The following SPECC1L variants were observed in gnomAD, a reference collection of about 807,000 sequenced individuals.
SPECC1L encodes cytospin-A.
Under a neutral mutation model 116.8 loss-of-function variants are expected in SPECC1L, and 40 were observed. The observed-to-expected ratio is 0.34, with a 90% confidence interval of 0.27 to 0.45. The LOEUF (loss-of-function observed/expected upper bound fraction) is 0.45. Ranked by LOEUF, SPECC1L falls within the 20% of genes least tolerant of loss-of-function variation. The pLI, the probability that SPECC1L is intolerant of heterozygous loss-of-function variation, is 1.00. For missense variants in SPECC1L, 1,110 were observed against 1,373.6 expected, an observed-to-expected ratio of 0.81 and a Z score of 3.03; for synonymous variants, 504 against 500.6, an observed-to-expected ratio of 1.01 and a Z score of -0.09.
At chr22:24,383,634 TATTTTATTTTTTG>T (rs969816496) in intron 14 of SPECC1L, among the ~76,000 whole-genome samples, 4 of 151,938 alleles carry the variant, frequency 2.6e-5, no homozygotes, top group Non-Finnish European at 4.4e-5. Context: ...ATCAAAATTT[TATTTTATTTTTTG>T]ATTTTATTTT....
chr22:24,354,062 A>G (rs2041478288), intron 11 of SPECC1L, among the ~76,000 whole-genome samples: 1 of 152,234 alleles, frequency 6.6e-6, no homozygotes, highest in South Asian at 2.1e-4. Context: ...GGAATGTCAC[A>G]TGAAGAAAGG....
At chr22:24,389,328 G>A (rs927892295) in intron 14 of SPECC1L, among the ~76,000 whole-genome samples, 7 of 151,896 alleles carry the variant, frequency 4.6e-5, no homozygotes, top group Non-Finnish European at 1.0e-4. Flanking sequence ...TGTTGGCCAG[G>A]CTGGTCTCAA....
intron 2 of SPECC1L, among the ~76,000 whole-genome samples, chr22:24,285,774 T>A (rs2049033502): frequency 6.6e-6 from 1 of 152,162 alleles, no homozygotes; most frequent in African/African-American, 2.4e-5. Flanking sequence ...CTTGAGTAGC[T>A]GGGATTACAG....
intron 2 of SPECC1L, among the ~76,000 whole-genome samples, chr22:24,282,261 A>C (rs1313304043): frequency 6.6e-6 from 1 of 152,208 alleles, no homozygotes; most frequent in Non-Finnish European, 1.5e-5. Context: ...GTGACTCCTA[A>C]ACCATAATTT....
At chr22:24,301,496 C>T (rs997773086) in intron 2 of SPECC1L, among the ~76,000 whole-genome samples, 3 of 152,078 alleles carry the variant, frequency 2.0e-5, no homozygotes, top group Non-Finnish European at 2.9e-5. Context: ...TAAACATGGT[C>T]GGAACACTTA....
intron 2 of SPECC1L, among the ~76,000 whole-genome samples, chr22:24,295,556 A>G (rs1272899273): frequency 1.1e-4 from 17 of 152,092 alleles, no homozygotes. Context: ...CTAATTTAAT[A>G]CATATTGATC....
chr22:24,375,545 G>A (rs572560781), intron 14 of SPECC1L, among the ~76,000 whole-genome samples: 22 of 152,272 alleles, frequency 1.4e-4, no homozygotes, highest in African/African-American at 3.6e-4. Flanking sequence ...GGAAAAAACC[G>A]CATGATCATC....
At chr22:24,400,884 C>T (rs2042460531) in intron 14 of SPECC1L, among the ~76,000 whole-genome samples, 1 of 152,138 alleles carries the variant, frequency 6.6e-6, no homozygotes, top group Admixed American at 6.5e-5. Context: ...ACGTCCTTTG[C>T]TCATTTTTAT....
At position 24,389,109 on chromosome 22, in the gene SPECC1L, ATTTTTTT is replaced by A. The variant is rs763818960; in HGVS notation, c.3087+19805_3087+19811del. On this transcript the variant is annotated intron_variant, in intron 14 of 16. Coordinates refer to ENST00000314328, the MANE Select transcript of SPECC1L (RefSeq NM_015330.6). ...AGTACTTCACTCCTTTCTATAACTG[ATTTTTTT>A]TTTTTTTTTTTTTTTGGAGACAGAG... 8.0e-5 allele frequency among the ~76,000 whole-genome samples: 8 copies of A among 99,942 alleles called. 1 individual carries two copies. The South Asian group carries it at 9.4e-4, about 12-fold the overall frequency. 65.6% of individuals were successfully genotyped at this position (99,942 alleles called of 152,430 possible).
chr22:24,295,342 G>A (rs1288818491), intron 2 of SPECC1L, among the ~76,000 whole-genome samples: 1 of 150,030 alleles, frequency 6.7e-6, no homozygotes, highest in Non-Finnish European at 1.5e-5. Flanking sequence ...GTTTTAAAAA[G>A]TAATTTTAAT....
intron 4 of SPECC1L, among the ~76,000 whole-genome samples, chr22:24,317,980 C>T (rs1456635213): frequency 6.7e-6 from 1 of 149,134 alleles, no homozygotes; most frequent in Admixed American, 6.7e-5. Context: ...CGGGAAGAGG[C>T]GCTCCTCACT....
In SPECC1L at chr22:24,391,394, T is replaced by A. The variant is rs150557790; in HGVS notation, c.3088-20194T>A. Among the ~76,000 whole-genome samples, 614 of 152,310 alleles carry A rather than the reference T, an allele frequency of 4.0e-3. 7 individuals are homozygous for A. The highest frequency in any genetic ancestry group is 0.014 in the African/African-American group (573 of 41,568). The stretch of plus-strand genomic sequence containing the variant: ...CATCTATTTCCAGAAATTTCAGGGC[T>A]GTAATTTTAAAAATCAGTTGCTTAG... On this transcript the variant is annotated intron_variant, in intron 14 of 16. Transcript: ENST00000314328.
rs200914313 is a variant in SPECC1L, at chr22:24,343,803, TA to T, written c.2653-3272del. The stretch of plus-strand genomic sequence containing the variant: ...CTGTCAACTTAGAATTCTGTGTATT[TA>T]AAAAAAAAAAGTAAAAGTAAAATTA... On this transcript the variant is annotated intron_variant, in intron 10 of 16. Coordinates refer to ENST00000314328, the MANE Select transcript of SPECC1L (RefSeq NM_015330.6). Among the ~76,000 whole-genome samples, 1,168 of 146,182 alleles carry T rather than the reference TA, an allele frequency of 8.0e-3. 12 individuals are homozygous for T. Among genetic ancestry groups the T allele is most frequent in the African/African-American group, 0.026 (1,057 of 40,132 alleles).
chr22:24,303,018 TAGATG>T (rs145894960), intron 3 of SPECC1L, among the ~76,000 whole-genome samples: 2,407 of 152,236 alleles, frequency 0.016, 48 homozygotes, highest in African/African-American at 0.055. Context: ...TTTTTTTAAA[TAGATG>T]AGATCTATGT....
At chr22:24,281,043 A>G (rs543331279) in intron 2 of SPECC1L, among the ~76,000 whole-genome samples, 45 of 152,214 alleles carry the variant, frequency 3.0e-4, no homozygotes, top group Non-Finnish European at 5.9e-4. Context: ...AGGACTGGTT[A>G]TAGGGCCTGG....
chr22:24,311,925 TTC>T (rs1353343181), intron 3 of SPECC1L, among the ~76,000 whole-genome samples: 1 of 151,824 alleles, frequency 6.6e-6, no homozygotes, highest in African/African-American at 2.4e-5. Flanking sequence ...TAGAGTTGAA[TTC>T]TGTTTAATTC....
At chr22:24,362,603 TA>T (rs1005701498) in intron 11 of SPECC1L, among the ~76,000 whole-genome samples, 17 of 152,212 alleles carry the variant, frequency 1.1e-4, no homozygotes, top group Admixed American at 3.3e-4. Context: ...CCTGCTGTCC[TA>T]TTTGTTTTCC....
At chr22:24,401,274 A>G (rs557289216) in intron 14 of SPECC1L, among the ~76,000 whole-genome samples, 1 of 152,332 alleles carries the variant, frequency 6.6e-6, no homozygotes, top group East Asian at 1.9e-4. Context: ...TGTGCATCCT[A>G]CAGAGTGACC....
At chr22:24,317,994 T>C (rs1262126956) in intron 4 of SPECC1L, among the ~76,000 whole-genome samples, 1 of 149,734 alleles carries the variant, frequency 6.7e-6, no homozygotes, top group South Asian at 2.1e-4. Context: ...CCTCACTTCC[T>C]AGATGGGATG....
Sources: allele counts gnomAD v4.1 joint callset (sites outside exome capture counted in the v4.1 genomes callset), GRCh38; gene constraint gnomAD v4.1.1; transcripts MANE v1.5; gene names NCBI Gene and HGNC (gene_info 2026-07-23, HGNC 2026-07-21).